ADAMTSL1: variants seen among roughly 807,000 people sequenced by gnomAD.
ADAMTSL1 encodes the protein ADAMTS-like protein 1.
Under a neutral mutation model 201.8 loss-of-function variants are expected in ADAMTSL1, and 126 were observed. That is an observed-to-expected ratio of 0.62 (90% confidence interval 0.54 to 0.72). ADAMTSL1 has a LOEUF of 0.72. ADAMTSL1 is among the 30% of genes least tolerant of loss of function. The pLI, the probability that ADAMTSL1 is intolerant of heterozygous loss-of-function variation, is 0.00. For missense variants in ADAMTSL1, 2,679 were observed against 2,277.8 expected (o/e 1.18, Z -3.59); for synonymous variants, 1,121 against 903.4 (o/e 1.24, Z -4.32).
chr9:18,410,178 C>CT (rs920083000), intron 2 of ADAMTSL1, among the ~76,000 whole-genome samples: 1,566 of 146,170 alleles, frequency 0.011, 33 homozygotes, highest in African/African-American at 0.035. Flanking sequence ...GTCCCTGAAT[C>CT]TTTTTTTTTT....
chr9:18,644,140 C>A (rs74489584), intron 7 of ADAMTSL1, among the ~76,000 whole-genome samples: 18,571 of 151,392 alleles, frequency 0.12, 1,364 homozygotes, highest in Non-Finnish European at 0.16. Context: ...GGTATTATAC[C>A]TGGGATTGTT....
chr9:18,295,589 C>T lies in ADAMTSL1; in HGVS notation c.207+131608C>T, dbSNP rs1014424206. ...TCTTGACCTCATGATCTGCCTGCGTCGGCCTCCCAAAGTGTTGGGATTACA... is the reference window on the plus strand; with the variant it reads ...TCTTGACCTCATGATCTGCCTGCGTTGGCCTCCCAAAGTGTTGGGATTACA... On this transcript the variant is annotated intron_variant, in intron 2 of 29. Coordinates refer to the ADAMTSL1 transcript ENST00000680146. Among the ~76,000 whole-genome samples the T allele has an allele frequency of 2.0e-5, 3 of 152,144 alleles. No homozygotes were observed. In the South Asian group the frequency reaches 6.2e-4, roughly 32 times the overall value.
intron 2 of ADAMTSL1, among the ~76,000 whole-genome samples, chr9:18,451,191 C>A (rs901306252): frequency 6.6e-6 from 1 of 152,162 alleles, no homozygotes; most frequent in Non-Finnish European, 1.5e-5. Flanking sequence ...TGAGAATATT[C>A]TTTTCCTTGA....
At chr9:18,324,761 T>A (rs1485714840) in intron 2 of ADAMTSL1, among the ~76,000 whole-genome samples, 2 of 144,894 alleles carry the variant, frequency 1.4e-5, no homozygotes, top group Non-Finnish European at 3.0e-5. Context: ...CGAAACTCCA[T>A]CTCAAAAAAA....
At chr9:18,029,145 C>G (rs1820822659) in intron 1 of ADAMTSL1, among the ~76,000 whole-genome samples, 2 of 152,134 alleles carry the variant, frequency 1.3e-5, no homozygotes. Flanking sequence ...TGCTTATCAG[C>G]TTAAGGAGAT....
chr9:18,079,730 A>C (rs1034319514), intron 1 of ADAMTSL1, among the ~76,000 whole-genome samples: 4 of 149,132 alleles, frequency 2.7e-5, no homozygotes, highest in African/African-American at 9.9e-5. Context: ...AATAAATAAA[A>C]TAAAAAATAA....
chr9:18,199,305 C>G (rs1225532307), intron 2 of ADAMTSL1, among the ~76,000 whole-genome samples: 1 of 151,938 alleles, frequency 6.6e-6, no homozygotes, highest in East Asian at 1.9e-4. Context: ...TTAGGATAGT[C>G]TCACTTTCCC....
At chr9:18,140,327 A>C (rs909160975) in intron 1 of ADAMTSL1, among the ~76,000 whole-genome samples, 1 of 152,158 alleles carries the variant, frequency 6.6e-6, no homozygotes, top group African/African-American at 2.4e-5. Flanking sequence ...AGGACTCAGC[A>C]TGTAGTCATA....
At chr9:18,031,807 C>T (rs1820968033) in intron 1 of ADAMTSL1, among the ~76,000 whole-genome samples, 2 of 152,144 alleles carry the variant, frequency 1.3e-5, no homozygotes, top group Non-Finnish European at 2.9e-5. Flanking sequence ...CCTGTAACTC[C>T]CCAGGAACCT....
intron 1 of ADAMTSL1, among the ~76,000 whole-genome samples, chr9:17,907,512 G>A (rs928171377): frequency 2.0e-5 from 3 of 152,194 alleles, no homozygotes; most frequent in Non-Finnish European, 4.4e-5. Flanking sequence ...GCTCTGGTGG[G>A]TGGGTGCCCG....
chr9:18,532,372 A>G (rs1274374712), intron 2 of ADAMTSL1, among the ~76,000 whole-genome samples: 1 of 152,180 alleles, frequency 6.6e-6, no homozygotes, highest in Non-Finnish European at 1.5e-5. Context: ...TATCTATTCA[A>G]AAAACACAGT....
intron 1 of ADAMTSL1, among the ~76,000 whole-genome samples, chr9:17,918,212 C>G (rs1826177158): frequency 6.6e-6 from 1 of 151,142 alleles, no homozygotes; most frequent in Non-Finnish European, 1.5e-5. Context: ...TCTTATTTTT[C>G]TAGTTTTGTA....
intron 2 of ADAMTSL1, among the ~76,000 whole-genome samples, chr9:18,281,188 A>T (rs1227949315): frequency 1.3e-5 from 2 of 152,230 alleles, no homozygotes; most frequent in African/African-American, 2.4e-5. Flanking sequence ...AGCAAATGAT[A>T]TAATAAGCAA....
At chr9:18,531,522 T>C (rs1310228205) in intron 2 of ADAMTSL1, among the ~76,000 whole-genome samples, 1 of 152,178 alleles carries the variant, frequency 6.6e-6, no homozygotes, top group African/African-American at 2.4e-5. Context: ...TTTCTATTTT[T>C]AATGCATAGT....
chr9:18,423,900 A>G (rs1819076763), intron 2 of ADAMTSL1, among the ~76,000 whole-genome samples: 1 of 152,196 alleles, frequency 6.6e-6, no homozygotes, highest in Non-Finnish European at 1.5e-5. Context: ...TTCCAGTATG[A>G]GATTAAGATA....
intron 2 of ADAMTSL1, among the ~76,000 whole-genome samples, chr9:18,425,658 C>A (rs1819178893): frequency 6.6e-6 from 1 of 151,646 alleles, no homozygotes; most frequent in Non-Finnish European, 1.5e-5. Flanking sequence ...AGTTTGAGAC[C>A]ATTATGGCAT....
At chr9:18,748,708 C>T (rs771699492) in intron 15 of ADAMTSL1, among the ~76,000 whole-genome samples, 1 of 152,218 alleles carries the variant, frequency 6.6e-6, no homozygotes, top group Non-Finnish European at 1.5e-5. Flanking sequence ...CTCAGTTTTT[C>T]ACTGCATACT....
chr9:18,838,091 G>A (rs893681347), intron 23 of ADAMTSL1, among the ~76,000 whole-genome samples: 3 of 152,036 alleles, frequency 2.0e-5, no homozygotes, highest in African/African-American at 7.2e-5. Flanking sequence ...CACATGGCTG[G>A]GGAGGCCTCA....
intron 2 of ADAMTSL1, among the ~76,000 whole-genome samples, chr9:18,313,236 G>T (rs1834225585): frequency 6.6e-6 from 1 of 152,160 alleles, no homozygotes; most frequent in African/African-American, 2.4e-5. Context: ...AACTCTTTGA[G>T]AACTATTTTT....
Sources: gnomAD v4.1 joint callset for allele counts (sites outside exome capture counted in the v4.1 genomes callset) on GRCh38, gnomAD v4.1.1 for gene constraint, MANE v1.5 for transcripts, NCBI Gene and HGNC (gene_info 2026-07-23, HGNC 2026-07-21) for gene names.